DKK2: variants seen among roughly 807,000 people sequenced by gnomAD.
The protein encoded by DKK2 is dickkopf Wnt signaling pathway inhibitor 2, also known as dickkopf-related protein 2.
A neutral mutation model predicts 28.1 loss-of-function variants in DKK2; 11 were observed. That is an observed-to-expected ratio of 0.39 (90% CI 0.25 to 0.65). DKK2 has a LOEUF of 0.65. Among genes scored for constraint, DKK2 ranks in the 30% least tolerant of loss-of-function variants. DKK2 has a pLI of 0.47. For missense variants in DKK2, 326 were observed against 335.5 expected (o/e 0.97, Z 0.22); for synonymous variants, 135 against 126.5 (o/e 1.07, Z -0.45).
intron 1 of DKK2, among the ~76,000 whole-genome samples, chr4:106,968,491 G>T (rs72666012): frequency 5.8e-4 from 88 of 152,164 alleles, no homozygotes; most frequent in African/African-American, 2.1e-3. Context: ...GTATGTGCAC[G>T]CATGTCCTTT....
intron 1 of DKK2, among the ~76,000 whole-genome samples, chr4:106,977,359 G>A (rs954548774): frequency 5.3e-5 from 8 of 152,096 alleles, no homozygotes; most frequent in African/African-American, 1.2e-4. Flanking sequence ...CATTCTCCCC[G>A]TTACTTTCAG....
chr4:106,986,185 T>C (rs1040664496), intron 1 of DKK2, among the ~76,000 whole-genome samples: 7 of 152,356 alleles, frequency 4.6e-5, no homozygotes, highest in African/African-American at 1.7e-4. Context: ...ACAGCCACTG[T>C]ATTTTGACGC....
In DKK2 at chr4:106,964,972, G is replaced by GAT. The variant is rs757856899; in HGVS notation, c.223-39025_223-39024dup. Among the ~76,000 whole-genome samples the GAT allele has an allele frequency of 7.5e-4, 109 of 145,178 alleles. 2 individuals carry two copies. Among genetic ancestry groups the GAT allele is most frequent in the Admixed American group, 4.8e-3 (70 of 14,634 alleles). ...ATAGATAGATAGATATAGATAGATA[G>GAT]ATAGATAGATAGATAGATAGATAGA... On this transcript the variant is annotated intron_variant, in intron 1 of 3. Coordinates refer to ENST00000285311, the MANE Select transcript of DKK2 (RefSeq NM_014421.3).
intron 1 of DKK2, among the ~76,000 whole-genome samples, chr4:107,027,442 G>T (rs1199800534): frequency 6.2e-5 from 9 of 145,544 alleles, no homozygotes; most frequent in Non-Finnish European, 4.5e-5. Context: ...TACCTAAATC[G>T]CCAAAAAATC....
rs1010106745 is a variant in DKK2 at position 107,023,635 on chromosome 4, TTAA to T, written c.222+11732_222+11734del. Reference sequence around the variant, plus strand: ...AGTGAGCCCTTGTGTATGGGTTTTATTAATAATAATGTATCAACATTGACTCAT... The same window carrying T: ...AGTGAGCCCTTGTGTATGGGTTTTATTAATAATGTATCAACATTGACTCAT... On this transcript the variant is annotated intron_variant, in intron 1 of 3. Transcript: ENST00000285311. 1.4e-4 allele frequency among the ~76,000 whole-genome samples: 22 copies of T among 152,214 alleles called. No homozygotes were observed. In the South Asian group the frequency reaches 1.5e-3, roughly 10 times the overall value.
intron 1 of DKK2, among the ~76,000 whole-genome samples, chr4:106,973,366 G>A (rs564982952): frequency 9.2e-5 from 14 of 152,186 alleles, no homozygotes; most frequent in African/African-American, 3.4e-4. Flanking sequence ...GTGTAAAAGT[G>A]TTCCCATTTC....
intron 1 of DKK2, among the ~76,000 whole-genome samples, chr4:106,933,193 G>A (rs139240155): frequency 2.0e-5 from 3 of 152,272 alleles, no homozygotes; most frequent in Non-Finnish European, 2.9e-5. Flanking sequence ...GGGAAACACG[G>A]CTATATAGAA....
intron 1 of DKK2, among the ~76,000 whole-genome samples, chr4:107,009,438 G>T (rs1023080299): frequency 6.6e-6 from 1 of 151,910 alleles, no homozygotes; most frequent in South Asian, 2.1e-4. Flanking sequence ...GAGAGAATCT[G>T]CACTTTTTCT....
At chr4:106,994,168 A>C (rs1401076569) in intron 1 of DKK2, among the ~76,000 whole-genome samples, 2 of 152,166 alleles carry the variant, frequency 1.3e-5, no homozygotes, top group Non-Finnish European at 2.9e-5. Flanking sequence ...ACCATCCTTT[A>C]CTTTCACCAA....
intron 1 of DKK2, among the ~76,000 whole-genome samples, chr4:107,033,540 T>C (rs944315661): frequency 3.3e-5 from 5 of 152,164 alleles, no homozygotes; most frequent in African/African-American, 1.2e-4. Flanking sequence ...AAACGACGCA[T>C]GTAACTGATT....
At position 107,035,607 on chromosome 4, in the gene DKK2, T is replaced by C. The variant is rs1723952728; in HGVS notation, c.-16A>G. The C allele has an allele frequency of 6.2e-7, 1 of 1,612,048 alleles. No homozygotes were observed. The highest frequency in any genetic ancestry group is 8.5e-7 in the Non-Finnish European group (1 of 1,179,584). ...ACGCGGCCATCTCCCGGCGAGGGGG[T>C]CCCCAGGAAGACGCAAAGCCCGGAG... is the stretch of plus-strand genomic sequence containing the variant. On this transcript the variant is annotated 5_prime_UTR_variant, in exon 1 of 4. Coordinates refer to ENST00000285311, the MANE Select transcript of DKK2 (RefSeq NM_014421.3).
At chr4:106,978,870 A>G (rs1722983939) in intron 1 of DKK2, among the ~76,000 whole-genome samples, 1 of 151,756 alleles carries the variant, frequency 6.6e-6, no homozygotes, top group South Asian at 2.1e-4. Flanking sequence ...TGTGCTTGAA[A>G]CCCAGGGCCC....
At chr4:106,934,401 A>G (rs1412062290) in intron 1 of DKK2, among the ~76,000 whole-genome samples, 1 of 152,186 alleles carries the variant, frequency 6.6e-6, no homozygotes, top group Non-Finnish European at 1.5e-5. Flanking sequence ...AGAGCTTTTT[A>G]GAAGAGGTAT....
intron 1 of DKK2, among the ~76,000 whole-genome samples, chr4:107,011,714 G>GT (rs1560591575): frequency 7.0e-6 from 1 of 142,802 alleles, no homozygotes; most frequent in Non-Finnish European, 1.6e-5. Context: ...TGTGTGTGTG[G>GT]GTGTGTATAA....
At chr4:106,978,815 A>G (rs1435361290) in intron 1 of DKK2, among the ~76,000 whole-genome samples, 1 of 150,926 alleles carries the variant, frequency 6.6e-6, no homozygotes, top group Non-Finnish European at 1.5e-5. Flanking sequence ...AAACAAACAA[A>G]CTCCTGCAGC....
At chr4:106,991,560 G>A (rs933895444) in intron 1 of DKK2, among the ~76,000 whole-genome samples, 1 of 152,092 alleles carries the variant, frequency 6.6e-6, no homozygotes, top group African/African-American at 2.4e-5. Context: ...TTCATAACTT[G>A]AATTTAACCT....
intron 1 of DKK2, among the ~76,000 whole-genome samples, chr4:106,931,275 T>C (rs1467556385): frequency 1.3e-5 from 2 of 152,168 alleles, no homozygotes; most frequent in African/African-American, 4.8e-5. Flanking sequence ...CATGTGTAGT[T>C]ACAGGTTCAT....
At chr4:107,004,607 G>A (rs534857812) in intron 1 of DKK2, among the ~76,000 whole-genome samples, 25 of 152,184 alleles carry the variant, frequency 1.6e-4, no homozygotes, top group African/African-American at 5.5e-4. Flanking sequence ...ATTGCCTAAA[G>A]GTCACACATG....
Position 106,981,178 on chromosome 4 carries a change from C to T in DKK2, c.222+54192G>A, listed in dbSNP as rs527494725. Among the ~76,000 whole-genome samples the T allele has an allele frequency of 4.0e-5, 6 of 151,672 alleles. No homozygotes were observed. In the East Asian group the frequency reaches 1.2e-3, roughly 29 times the overall value. The stretch of plus-strand genomic sequence containing the variant: ...GGAGAAAAAGGGACTCAGAGTAAAG[C>T]AAAATTGTGCCCTAAAGATACTTGA... On this transcript the variant is annotated intron_variant, in intron 1 of 3. Coordinates refer to ENST00000285311, the MANE Select transcript of DKK2 (RefSeq NM_014421.3).
Sources: allele counts gnomAD v4.1 joint callset (sites outside exome capture counted in the v4.1 genomes callset), GRCh38; gene constraint gnomAD v4.1.1; transcripts MANE v1.5; gene names NCBI Gene and HGNC (gene_info 2026-07-23, HGNC 2026-07-21).